Variants in NAV2 observed in about 807,000 individuals in gnomAD.
NAV2 encodes helicase, APC down-regulated 1.
A neutral mutation model predicts 223.2 loss-of-function variants in NAV2; 54 were observed. The ratio of observed to expected loss-of-function variants is 0.24; its 90% CI spans 0.19 to 0.30. The LOEUF (loss-of-function observed/expected upper bound fraction) is 0.30. Ranked by LOEUF, NAV2 falls within the 10% of genes least tolerant of loss-of-function variation. NAV2 has a pLI of 1.00. For synonymous variants in NAV2, 1,279 were observed against 1,239.3 expected (o/e 1.03, Z -0.67); for missense variants, 2,806 against 3,147.5 (o/e 0.89, Z 2.60).
intron 1 of NAV2, among the ~76,000 whole-genome samples, chr11:19,798,624 C>A (rs1305496328): frequency 6.6e-6 from 1 of 152,076 alleles, no homozygotes; most frequent in Non-Finnish European, 1.5e-5. Context: ...ACTTTGGAAG[C>A]CTGAGTTGGG....
At chr11:19,544,920 CT>C (rs1785340195) in intron 1 of NAV2, among the ~76,000 whole-genome samples, 1 of 152,188 alleles carries the variant, frequency 6.6e-6, no homozygotes, top group Admixed American at 6.5e-5. Flanking sequence ...CAAAATGTTG[CT>C]AGGGTGTCTG....
rs1314870307 is a variant in NAV2, at chr11:19,712,999, C to T, written c.-697C>T. 1.3e-5 allele frequency among the ~76,000 whole-genome samples: 2 copies of T among 152,168 alleles called. No individual in the cohort carries two copies. Among genetic ancestry groups the T allele is most frequent in the Admixed American group, 1.3e-4 (2 of 15,276 alleles). ...CTAGCTCACGGAGCATGTGCAGACC[C>T]GCAGGCGCTAAGGTGCTCTCAGTCC... On this transcript the variant is annotated 5_prime_UTR_variant, in exon 1 of 38. Coordinates refer to ENST00000349880, the MANE Select transcript of NAV2 (RefSeq NM_145117.5).
Position 19,703,401 on chromosome 11 carries a change from G to A in NAV2, c.76-129083G>A, listed in dbSNP as rs2049566897. Among the ~76,000 whole-genome samples, 4 of 152,334 alleles carry A rather than the reference G, an allele frequency of 2.6e-5. No individual in the cohort carries two copies. The South Asian group carries it at 8.3e-4, about 32-fold the overall frequency. ...AGAGGGTAGGCATGAAGGCTTCCAG[G>A]ATGACAGCAGTAACCAAAAGAGGAA... On this transcript the variant is annotated intron_variant, in intron 1 of 37. Coordinates refer to the NAV2 transcript ENST00000360655.
intron 1 of NAV2, among the ~76,000 whole-genome samples, chr11:19,386,375 G>T (rs1590098377): frequency 1.3e-5 from 2 of 152,244 alleles, no homozygotes; most frequent in Non-Finnish European, 2.9e-5. Context: ...CTAAGACTCT[G>T]TTTTTTCCTG....
intron 1 of NAV2, among the ~76,000 whole-genome samples, chr11:19,602,173 C>CTTTTTTT (rs1204696986): frequency 6.0e-5 from 7 of 116,258 alleles, no homozygotes; most frequent in African/African-American, 1.7e-4. Context: ...CTCTACAAGT[C>CTTTTTTT]TTTTTTTTTT....
At chr11:20,078,146 C>A in intron 24 of NAV2, 42 bp downstream of exon 24, 1 of 1,362,076 alleles carries the variant, frequency 7.3e-7, no homozygotes, top group Non-Finnish European at 1.0e-6. Flanking sequence ...GACCTGCCTG[C>A]CCTTAGGAGC....
At chr11:19,611,624 C>T (rs557354234) in intron 1 of NAV2, among the ~76,000 whole-genome samples, 1 of 152,348 alleles carries the variant, frequency 6.6e-6, no homozygotes, top group South Asian at 2.1e-4. Flanking sequence ...AATTTTAAAG[C>T]TCCAAAATGA....
chr11:20,000,166 T>TA (rs1174066867), intron 11 of NAV2, among the ~76,000 whole-genome samples: 5 of 152,164 alleles, frequency 3.3e-5, no homozygotes, highest in Non-Finnish European at 7.3e-5. Context: ...AAACCCGAAG[T>TA]AGTTAACACG....
At chr11:19,693,032 C>T (rs2049225998) in intron 1 of NAV2, among the ~76,000 whole-genome samples, 1 of 152,254 alleles carries the variant, frequency 6.6e-6, no homozygotes, top group South Asian at 2.1e-4. Flanking sequence ...TCTCTCCAAG[C>T]TCATAGCCTC....
intron 28 of NAV2, among the ~76,000 whole-genome samples, chr11:20,092,795 C>T (rs753696230): frequency 2.0e-5 from 3 of 152,158 alleles, no homozygotes; most frequent in Non-Finnish European, 2.9e-5. Context: ...TCTTTGTAAG[C>T]GTATTAAGGC....
chr11:19,381,747 T>C (rs1023356097), intron 1 of NAV2, among the ~76,000 whole-genome samples: 1 of 152,138 alleles, frequency 6.6e-6, no homozygotes, highest in Admixed American at 6.5e-5. Context: ...AATGTGGCCA[T>C]TTGGTTTTTT....
rs145706480 is a variant in NAV2 at position 20,010,474 on chromosome 11, T to G, written c.2769-25485T>G. On this transcript the variant is annotated intron_variant, in intron 11 of 37. Transcript: ENST00000349880. ...AGTTTGACATACTGTGCCATCCAGA[T>G]GCATTTGTGAGATAAGCGTGACAGC... Among the ~76,000 whole-genome samples the G allele has an allele frequency of 4.8e-3, 733 of 152,300 alleles. 3 individuals are homozygous for G. Among genetic ancestry groups the G allele is most frequent in the African/African-American group, 0.017 (708 of 41,570 alleles).
intron 1 of NAV2, among the ~76,000 whole-genome samples, chr11:19,399,794 C>G (rs1164190326): frequency 6.6e-6 from 1 of 152,204 alleles, no homozygotes; most frequent in African/African-American, 2.4e-5. Context: ...CTGAAGTTAG[C>G]TAGCCCTTTA....
chr11:19,702,587 CG>C (rs2049538606), intron 1 of NAV2, among the ~76,000 whole-genome samples: 1 of 151,900 alleles, frequency 6.6e-6, no homozygotes, highest in Non-Finnish European at 1.5e-5. Context: ...GAGACCAGCC[CG>C]GGCAACATGA....
chr11:19,598,362 G>T lies in NAV2; in HGVS notation c.76-234122G>T, dbSNP rs1209048638. 2.0e-5 allele frequency among the ~76,000 whole-genome samples: 3 copies of T among 152,378 alleles called. No individual in the cohort carries two copies. The East Asian group carries it at 5.8e-4, about 29-fold the overall frequency. ...TGTACACAGGTAAGACGGTCACTGT[G>T]CTTTGTTTGAAGTAAGGTAGTTTCC... On this transcript the variant is annotated intron_variant, in intron 1 of 37. Transcript: ENST00000360655.
chr11:19,548,414 C>T (rs1023794190), intron 1 of NAV2, among the ~76,000 whole-genome samples: 25 of 152,136 alleles, frequency 1.6e-4, no homozygotes, highest in Admixed American at 3.3e-4. Context: ...ACCTCCATTT[C>T]GCAGATGCAG....
intron 1 of NAV2, among the ~76,000 whole-genome samples, chr11:19,439,049 C>T (rs989531261): frequency 1.3e-5 from 2 of 152,180 alleles, no homozygotes; most frequent in African/African-American, 4.8e-5. Flanking sequence ...GTTGGTTCCT[C>T]TGGCAGCCAG....
rs1415150182 is a variant in NAV2 at position 19,630,840 on chromosome 11, C to T, written c.76-201644C>T. 8.1e-5 allele frequency among the ~76,000 whole-genome samples: 12 copies of T among 148,626 alleles called. No individual in the cohort carries two copies. The East Asian group carries it at 2.2e-3, about 27-fold the overall frequency. ...GCAGTGAGCCGAGATTTCACCACTG[C>T]ACTCCAGCCTAGGTAACAGAGTGAG... On this transcript the variant is annotated intron_variant, in intron 1 of 37. Coordinates refer to the NAV2 transcript ENST00000360655.
intron 35 of NAV2, chr11:20,107,122 G>T (rs1227637730): frequency 8.6e-6 from 1 of 116,012 alleles, no homozygotes; most frequent in Non-Finnish European, 1.6e-5. Flanking sequence ...CTGTTGCCCA[G>T]GCTGGAGTGC....
Sources: allele counts gnomAD v4.1 joint callset (sites outside exome capture counted in the v4.1 genomes callset), GRCh38; gene constraint gnomAD v4.1.1; transcripts MANE v1.5; gene names NCBI Gene and HGNC (gene_info 2026-07-23, HGNC 2026-07-21).